Variants in CNTN5 observed in about 807,000 individuals in gnomAD.
CNTN5 encodes the protein contactin 5, also known as contactin-5.
Under a neutral mutation model 129.1 loss-of-function variants are expected in CNTN5, and 77 were observed. The observed-to-expected ratio is 0.60, with a 90% confidence interval of 0.50 to 0.72. The LOEUF is 0.72. Ranked by LOEUF, CNTN5 falls within the 30% of genes least tolerant of loss-of-function variation. The pLI is 0.00. For missense variants in CNTN5, 1,478 were observed against 1,328.8 expected (o/e 1.11, Z -1.75); for synonymous variants, 509 against 465.6 (o/e 1.09, Z -1.20).
chr11:100,071,339 A>G (rs1943914239), intron 11 of CNTN5, among the ~76,000 whole-genome samples: 2 of 152,092 alleles, frequency 1.3e-5, no homozygotes, highest in African/African-American at 2.4e-5. Context: ...AGTCTTTTCT[A>G]CTATATGAAT....
chr11:100,034,872 G>C (rs150599974), intron 9 of CNTN5, among the ~76,000 whole-genome samples: 1 of 151,822 alleles, frequency 6.6e-6, no homozygotes. Flanking sequence ...GTTGATTTTT[G>C]TAGTACTTCA....
chr11:99,841,915 T>A (rs978366461), intron 4 of CNTN5, among the ~76,000 whole-genome samples: 5 of 150,842 alleles, frequency 3.3e-5, no homozygotes, highest in Non-Finnish European at 1.5e-5. Flanking sequence ...TTATGGAGTT[T>A]CACTCTTGTT....
chr11:100,043,009 G>T (rs1942464340), intron 9 of CNTN5, among the ~76,000 whole-genome samples: 1 of 150,086 alleles, frequency 6.7e-6, no homozygotes, highest in Admixed American at 6.7e-5. Context: ...TTCTTCTAGT[G>T]TAGCTAAAAT....
chr11:100,079,129 C>A (rs1302772556), intron 13 of CNTN5, among the ~76,000 whole-genome samples: 1 of 152,118 alleles, frequency 6.6e-6, no homozygotes, highest in Admixed American at 6.6e-5. Flanking sequence ...TCCCGTGATT[C>A]AGTTACCTCT....
chr11:99,710,571 G>GTGCA (rs1954939610), intron 3 of CNTN5, among the ~76,000 whole-genome samples: 1 of 54,958 alleles, frequency 1.8e-5, no homozygotes, highest in Non-Finnish European at 3.6e-5. Flanking sequence ...GTGTGCATGT[G>GTGCA]TGTGTGTGTG....
chr11:100,120,190 C>T (rs1486435877), intron 13 of CNTN5, among the ~76,000 whole-genome samples: 2 of 151,856 alleles, frequency 1.3e-5, no homozygotes, highest in African/African-American at 2.4e-5. Flanking sequence ...TACTTAAGCA[C>T]GCATCTTTGT....
At chr11:99,614,970 TGTAG>T (rs1950714875) in intron 3 of CNTN5, among the ~76,000 whole-genome samples, 1 of 151,302 alleles carries the variant, frequency 6.6e-6, no homozygotes, top group African/African-American at 2.4e-5. Context: ...TGCATGTGTG[TGTAG>T]GTAGGTAGGG....
intron 13 of CNTN5, among the ~76,000 whole-genome samples, chr11:100,145,992 T>A (rs993644605): frequency 1.3e-5 from 2 of 152,324 alleles, no homozygotes; most frequent in African/African-American, 4.8e-5. Context: ...TTTATCTTAA[T>A]GTGTGAGATA....
intron 1 of CNTN5, among the ~76,000 whole-genome samples, chr11:99,121,614 C>A (rs1411972434): frequency 6.6e-6 from 1 of 152,160 alleles, no homozygotes; most frequent in African/African-American, 2.4e-5. Flanking sequence ...CAACTCACTG[C>A]AAAATCTCAG....
rs199944503 is a variant in CNTN5 at position 99,561,291 on chromosome 11, ATAAGTAAGTAAG to A, written c.55+5034_55+5045del. 3.0e-3 allele frequency among the ~76,000 whole-genome samples: 458 copies of A among 152,136 alleles called. 3 individuals carry two copies. The highest frequency in any genetic ancestry group is 9.7e-3 in the African/African-American group (404 of 41,528). The stretch of plus-strand genomic sequence containing the variant: ...ACCAAAACTGGGACAATTTCAGCAA[ATAAGTAAGTAAG>A]TAAGTAAGTAAATAAATAAATAAAT... On this transcript the variant is annotated intron_variant, in intron 3 of 24. Coordinates refer to ENST00000524871, the MANE Select transcript of CNTN5 (RefSeq NM_014361.4).
chr11:99,990,014 C>T (rs1482802104), intron 8 of CNTN5, among the ~76,000 whole-genome samples: 4 of 152,180 alleles, frequency 2.6e-5, no homozygotes, highest in Non-Finnish European at 5.9e-5. Flanking sequence ...ATATGCCCGC[C>T]TCAGCCTCCC....
chr11:100,135,920 C>A (rs908993217), intron 13 of CNTN5, among the ~76,000 whole-genome samples: 29 of 151,982 alleles, frequency 1.9e-4, no homozygotes, highest in African/African-American at 6.5e-4. Context: ...CTCTGCTGTT[C>A]TTTGAGTTAA....
At chr11:99,484,302 G>T (rs1048211148) in intron 2 of CNTN5, among the ~76,000 whole-genome samples, 1 of 152,020 alleles carries the variant, frequency 6.6e-6, no homozygotes, top group Non-Finnish European at 1.5e-5. Flanking sequence ...AGTCATCAGG[G>T]AAATGCAAAT....
intron 7 of CNTN5, among the ~76,000 whole-genome samples, chr11:99,930,109 T>G (rs1012472686): frequency 6.6e-6 from 1 of 152,112 alleles, no homozygotes; most frequent in Non-Finnish European, 1.5e-5. Context: ...GACTTGCCAG[T>G]GTCTGGGAGG....
chr11:99,231,478 C>A (rs890976559), intron 1 of CNTN5, among the ~76,000 whole-genome samples: 3 of 152,018 alleles, frequency 2.0e-5, no homozygotes, highest in Non-Finnish European at 4.4e-5. Flanking sequence ...TGTCCTTTGC[C>A]CACTTTTTAA....
chr11:100,278,677 T>G (rs1032280767), intron 18 of CNTN5, among the ~76,000 whole-genome samples: 6 of 152,058 alleles, frequency 3.9e-5, no homozygotes, highest in African/African-American at 1.2e-4. Context: ...TTTACTAAAT[T>G]TGTTCATCAG....
chr11:99,797,693 C>T (rs888244286), intron 3 of CNTN5, among the ~76,000 whole-genome samples: 2 of 152,004 alleles, frequency 1.3e-5, no homozygotes, highest in Admixed American at 6.6e-5. Flanking sequence ...TCATCAGGTG[C>T]ATTTTTTTGT....
chr11:99,026,869 A>G (rs997857145), intron 1 of CNTN5, among the ~76,000 whole-genome samples: 2 of 151,604 alleles, frequency 1.3e-5, no homozygotes, highest in Non-Finnish European at 3.0e-5. Context: ...ATCTATTCAA[A>G]TCAAATCCTT....
chr11:99,836,138 T>TA (rs1947295871), intron 4 of CNTN5, among the ~76,000 whole-genome samples: 1 of 151,386 alleles, frequency 6.6e-6, no homozygotes, highest in Admixed American at 6.6e-5. Flanking sequence ...TTTTTTTTTT[T>TA]AATTTTTCTT....
Sources: gnomAD v4.1 joint callset for allele counts (sites outside exome capture counted in the v4.1 genomes callset) on GRCh38, gnomAD v4.1.1 for gene constraint, MANE v1.5 for transcripts, NCBI Gene and HGNC (gene_info 2026-07-23, HGNC 2026-07-21) for gene names.